The following MOSPD3 variants were observed in gnomAD, a reference collection of about 807,000 sequenced individuals.
MOSPD3 encodes the protein motile sperm domain-containing protein 3.
MOSPD3 carries 20 observed loss-of-function variants against 23.3 expected under a neutral mutation model. The ratio of observed to expected loss-of-function variants is 0.86; its 90% CI spans 0.61 to 1.25. The LOEUF is 1.25. MOSPD3 is among the 50% of genes most tolerant of loss of function. The pLI is 0.00. For missense variants in MOSPD3, 307 were observed against 315.7 expected (o/e 0.97, Z 0.21); for synonymous variants, 136 against 135.2 (o/e 1.01, Z -0.04).
chr7:100,613,161 C>T (rs765315533), intron 1 of MOSPD3, 33 bp from the exon 2 acceptor site: 1 of 1,609,700 alleles, frequency 6.2e-7, no homozygotes, highest in South Asian at 1.1e-5. Context: ...ACCCACATGG[C>T]AGGGCTTGTC....
Position 100,613,667 on chromosome 7 carries a change from G to C in MOSPD3, c.472G>C (p.Ala158Pro). The C allele has an allele frequency of 1.2e-6, 2 of 1,613,666 alleles. No individual in the cohort carries two copies. The highest frequency in any genetic ancestry group is 1.7e-6 in the Non-Finnish European group (2 of 1,180,028). The part of the protein sequence containing the change: ...PDPAPRPGPP[A>P]GTPPPTARHF... ...TCCAGCGCCTCGCCCAGGGCCTCCTGCTGGGACACCACCACCCACGGCCAG... is the reference window on the plus strand; with the variant it reads ...TCCAGCGCCTCGCCCAGGGCCTCCTCCTGGGACACCACCACCCACGGCCAG... Residue 158 changes from alanine to proline, a missense_variant, in exon 3 of 5, where the codon GCT becomes CCT. By Grantham distance (27) the Ala-to-Pro change is conservative. Transcript: ENST00000393950.
chr7:100,614,924 T>C lies in MOSPD3; in HGVS notation c.569T>C (p.Val190Ala), dbSNP rs771626069. Residue 190 changes from valine to alanine, a missense_variant, in exon 4 of 5, where the codon GTG becomes GCG. Coordinates refer to ENST00000393950, the MANE Select transcript of MOSPD3 (RefSeq NM_023948.5). The part of the protein sequence containing the change: ...SFLLFLLTGI[V>A]SVAFLLLPLP... ...CTCCTCTTCTTGCTGACGGGGATTG[T>C]GTCTGTGGCCTTCCTGCTGCTCCCA... 6.2e-7 allele frequency: 1 copy of C among 1,614,134 alleles called. No individual in the cohort carries two copies.
chr7:100,614,394 A>G (rs1802929705), intron 3 of MOSPD3, among the ~76,000 whole-genome samples: 1 of 151,574 alleles, frequency 6.6e-6, no homozygotes, highest in Admixed American at 6.6e-5. Flanking sequence ...TGAACCTAGG[A>G]GGCAGAGGCT....
intron 3 of MOSPD3, 33 bp from the exon 4 acceptor site, chr7:100,614,834 G>A: frequency 6.3e-7 from 1 of 1,596,670 alleles, no homozygotes; most frequent in Non-Finnish European, 8.6e-7. Context: ...GCAGGAGTGG[G>A]GGCTGCAGCA....
chr7:100,612,955 T>G lies in MOSPD3; in HGVS notation c.164T>G (p.Leu55Arg). 6.2e-7 allele frequency: 1 copy of G among 1,613,994 alleles called. No individual in the cohort carries two copies. Among genetic ancestry groups the G allele is most frequent in the Non-Finnish European group, 8.5e-7 (1 of 1,180,022 alleles). ...ADQRSGPRQL[L>R]TLYNPTGTAL... The stretch of plus-strand genomic sequence containing the variant: ...CAGCGGAGCGGACCCCGACAGCTGC[T>G]GACCCTCTATAACCCCACAGGAACT... Residue 55 changes from leucine (L) to arginine (R), a missense_variant, in exon 1 of 5, where the codon CTG becomes CGG. Leu to Arg is a moderately radical substitution (Grantham distance 102). Coordinates refer to ENST00000393950, the MANE Select transcript of MOSPD3 (RefSeq NM_023948.5).
chr7:100,612,934 G>A lies in MOSPD3; in HGVS notation c.143G>A (p.Arg48Gln). Reference sequence around the variant, plus strand: ...GATCTAGTATTCAGGGCGGACCAGCGGAGCGGACCCCGACAGCTGCTGACC... The same window carrying A: ...GATCTAGTATTCAGGGCGGACCAGCAGAGCGGACCCCGACAGCTGCTGACC... The part of the protein sequence containing the change: ...PPDLVFRADQ[R>Q]SGPRQLLTLY... Residue 48 changes from arginine (R) to glutamine (Q), a missense_variant, in exon 1 of 5, where the codon CGG becomes CAG. Transcript: ENST00000393950. The A allele has an allele frequency of 6.2e-7, 1 of 1,613,898 alleles. No homozygotes were observed. The highest frequency in any genetic ancestry group is 1.1e-5 in the South Asian group (1 of 91,076).
rs1426351141 is a variant in MOSPD3, at chr7:100,612,824, G to T, written c.33G>T (p.Leu11=). 6.2e-7 allele frequency: 1 copy of T among 1,604,934 alleles called. No individual in the cohort carries two copies. Residue 11 remains leucine (L), a synonymous_variant, in exon 1 of 5, where the codon CTG becomes CTT. Coordinates refer to ENST00000393950, the MANE Select transcript of MOSPD3 (RefSeq NM_023948.5). Reference sequence around the variant, plus strand: ...GTGGGGCGCCCCAGGACCAGGAGCTGGTGGGTCCGGGGCCCCCTGGGCGGG... The same window carrying T: ...GTGGGGCGCCCCAGGACCAGGAGCTTGTGGGTCCGGGGCCCCCTGGGCGGG... MRRGAPQDQE[L]VGPGPPGRGS...
At chr7:100,614,789 C>A in intron 3 of MOSPD3, 78 bp from the exon 4 acceptor site, 1 of 1,457,292 alleles carries the variant, frequency 6.9e-7, no homozygotes, top group South Asian at 1.4e-5. Context: ...ATACATCTTC[C>A]TTGTTCAGGC....
chr7:100,613,863 G>C (rs7812235), intron 3 of MOSPD3, 157 bp downstream of exon 3: 128,806 of 708,442 alleles, frequency 0.18, 12,620 homozygotes, highest in Non-Finnish European at 0.2. Flanking sequence ...TCAGGTGAGG[G>C]GGAAAAGACT....
Position 100,612,834 on chromosome 7 carries a change from G to T in MOSPD3, c.43G>T (p.Gly15Trp). Reference sequence around the variant, plus strand: ...CCAGGACCAGGAGCTGGTGGGTCCGGGGCCCCCTGGGCGGGGGTCCCGGGG... The same window carrying T: ...CCAGGACCAGGAGCTGGTGGGTCCGTGGCCCCCTGGGCGGGGGTCCCGGGG... ...APQDQELVGP[G>W]PPGRGSRGAP... is the part of the protein sequence containing the mutation. The change falls in exon 1 of 5, where the codon GGG (glycine) becomes TGG (tryptophan). Residue 15 changes from glycine to tryptophan, a missense_variant. Gly to Trp is a radical substitution (Grantham distance 184). Coordinates refer to ENST00000393950, the MANE Select transcript of MOSPD3 (RefSeq NM_023948.5). 1 of 1,610,058 alleles carries T rather than the reference G, an allele frequency of 6.2e-7. No individual in the cohort carries two copies. Among genetic ancestry groups the T allele is most frequent in the South Asian group, 1.1e-5 (1 of 90,952 alleles).
chr7:100,613,946 A>G (rs1802915141), intron 3 of MOSPD3, among the ~76,000 whole-genome samples: 1 of 152,162 alleles, frequency 6.6e-6, no homozygotes, highest in Non-Finnish European at 1.5e-5. Context: ...AGTACTTCCT[A>G]TCATGTGGTA....
At position 100,615,313 on chromosome 7, in the gene MOSPD3, C is replaced by CA. The variant is rs1562832737; in HGVS notation, c.*136dup. ...CTGCCTACTCCCCACTCCTCCCTGA[C>CA]AAAAAACACCCAGGGATTTGTACTC... On this transcript the variant is annotated 3_prime_UTR_variant, in exon 5 of 5. Transcript: ENST00000393950. The CA allele has an allele frequency of 4.1e-6, 3 of 729,746 alleles. No homozygotes were observed. The highest frequency in any genetic ancestry group is 5.6e-5 in the East Asian group (2 of 35,824). 45.2% of individuals were successfully genotyped at this position (729,746 alleles called of 1,614,324 possible). A position where few individuals can be genotyped will look rare whatever the true frequency, so the allele number is the denominator to read the frequency against.
At chr7:100,614,840 C>T (rs1326628227) in intron 3 of MOSPD3, 27 bp from the exon 4 acceptor site, 2 of 1,600,692 alleles carry the variant, frequency 1.2e-6, no homozygotes, top group Admixed American at 3.4e-5. Flanking sequence ...GTGGGGGCTG[C>T]AGCATCTGAT....
intron 3 of MOSPD3, 151 bp from the exon 4 acceptor site, chr7:100,614,716 C>A: frequency 1.1e-6 from 1 of 895,588 alleles, no homozygotes; most frequent in Non-Finnish European, 1.6e-6. Flanking sequence ...CCAGACCAGC[C>A]TGGACAACGT....
chr7:100,613,423 C>A lies in MOSPD3; in HGVS notation c.282-54C>A, dbSNP rs556515199. On this transcript the variant is annotated intron_variant, in intron 2 of 4. Coordinates refer to ENST00000393950, the MANE Select transcript of MOSPD3 (RefSeq NM_023948.5). ...ACTTCTGGGGGGAGGCCCAGATTTC[C>A]TTGGATTACTGCCTCATTCACCCCA... 7 of 1,596,988 alleles carry A rather than the reference C, an allele frequency of 4.4e-6. No individual in the cohort carries two copies. The East Asian group carries it at 1.3e-4, about 31-fold the overall frequency.
At chr7:100,614,005 C>T (rs1285109750) in intron 3 of MOSPD3, among the ~76,000 whole-genome samples, 1 of 152,118 alleles carries the variant, frequency 6.6e-6, no homozygotes, top group Non-Finnish European at 1.5e-5. Flanking sequence ...TAACCCTGTA[C>T]CAAGTTGTGT....
rs199683011 is a variant in MOSPD3, at chr7:100,613,625, C to T, written c.430C>T (p.Leu144Phe). The change falls in exon 3 of 5, where the codon CTT (leucine) becomes TTT (phenylalanine). Residue 144 changes from leucine to phenylalanine, a missense_variant. By Grantham distance (22) the Leu-to-Phe change is conservative. Transcript: ENST00000393950. ...GAGAGCCCCAGCGTACCCCCTTGAG[C>T]TTCAGGGACAGCCAGATCCAGCGCC... is the stretch of plus-strand genomic sequence containing the variant. ...ILRAPAYPLELQGQPDPAPRP... is the reference protein window; with the variant it reads ...ILRAPAYPLEFQGQPDPAPRP... 1 of 1,614,182 alleles carries T rather than the reference C, an allele frequency of 6.2e-7. No individual in the cohort carries two copies. The highest frequency in any genetic ancestry group is 2.2e-5 in the East Asian group (1 of 44,890).
At chr7:100,612,322 C>T (rs577893426), upstream of MOSPD3, 215 of 153,132 alleles carry the variant, frequency 1.4e-3, 1 homozygote, top group Non-Finnish European at 1.1e-3. Context: ...GGGCCGGAGA[C>T]GCAAACACAG....
rs1362409491 is a variant in MOSPD3 at position 100,612,779 on chromosome 7, G to A, written c.-13G>A. ...GAGCTCTGCCCTCGGATGTCCGACC[G>A]CCCAGAGCCTGCATGCGCCGTGGGG... On this transcript the variant is annotated 5_prime_UTR_variant, in exon 1 of 5. Coordinates refer to ENST00000393950, the MANE Select transcript of MOSPD3 (RefSeq NM_023948.5). 6.4e-7 allele frequency: 1 copy of A among 1,562,012 alleles called. No homozygotes were observed. The highest frequency in any genetic ancestry group is 1.4e-5 in the African/African-American group (1 of 72,420).
Sources: gnomAD v4.1 joint callset for allele counts (sites outside exome capture counted in the v4.1 genomes callset) on GRCh38, gnomAD v4.1.1 for gene constraint, MANE v1.5 for transcripts, NCBI Gene and HGNC (gene_info 2026-07-23, HGNC 2026-07-21) for gene names.